Variants in FOCAD observed in about 807,000 individuals in gnomAD.
FOCAD encodes the protein focadhesin.
FOCAD carries 198 observed loss-of-function variants against 225.6 expected under a neutral mutation model. The observed-to-expected ratio is 0.88, with a 90% CI of 0.78 to 0.99. The LOEUF (loss-of-function observed/expected upper bound fraction) is 0.99, where lower values mean the gene tolerates loss of function less well. FOCAD is among the 50% of genes least tolerant of loss of function. The pLI is 0.00. For missense variants in FOCAD, 2,713 were observed against 2,123.6 expected (o/e 1.28, Z -5.46); for synonymous variants, 897 against 755.0 (o/e 1.19, Z -3.08).
At chr9:20,982,497 G>A (rs758461142) in intron 39 of FOCAD, 51 bp downstream of exon 39, 1 of 1,457,306 alleles carries the variant, frequency 6.9e-7, no homozygotes, top group Non-Finnish European at 9.6e-7. Context: ...CAGAAATTAC[G>A]ATTGAATAAT....
rs1435446613 is a variant in FOCAD at position 20,982,458 on chromosome 9, T to C, written c.4728+12T>C. On this transcript the variant is annotated intron_variant, in intron 39 of 43. Coordinates refer to ENST00000338382, the MANE Select transcript of FOCAD (RefSeq NM_001375567.1). Reference sequence around the variant, plus strand: ...CCCAGGTTACTAAGGTAATAACATATCTTTCTATACCTTTTTTCATTATTG... The same window carrying C: ...CCCAGGTTACTAAGGTAATAACATACCTTTCTATACCTTTTTTCATTATTG... The C allele has an allele frequency of 2.5e-6, 4 of 1,596,942 alleles. No individual in the cohort carries two copies. Among genetic ancestry groups the C allele is most frequent in the Non-Finnish European group, 3.4e-6 (4 of 1,165,120 alleles).
chr9:20,718,387 C>T (rs1371157555), intron 3 of FOCAD, among the ~76,000 whole-genome samples: 1 of 152,216 alleles, frequency 6.6e-6, no homozygotes, highest in Non-Finnish European at 1.5e-5. Flanking sequence ...TACTGAGATA[C>T]ACTTGGGGTT....
At chr9:20,855,409 G>GAAT (rs1828071031) in intron 15 of FOCAD, among the ~76,000 whole-genome samples, 1 of 151,480 alleles carries the variant, frequency 6.6e-6, no homozygotes, top group South Asian at 2.1e-4. Context: ...CCTTGTCTCT[G>GAAT]AATAAGTAAA....
chr9:20,946,885 G>A lies in FOCAD; in HGVS notation c.3675+65G>A. ...CATGCTGCTGCTAAGTTTTGCTTTT[G>A]ACTTACTCTGAATTAGAGTATAATG... On this transcript the variant is annotated intron_variant, in intron 30 of 43. Coordinates refer to ENST00000338382, the MANE Select transcript of FOCAD (RefSeq NM_001375567.1). 3 of 1,588,610 alleles carry A rather than the reference G, an allele frequency of 1.9e-6. No homozygotes were observed. The East Asian group carries it at 6.8e-5, about 36-fold the overall frequency.
intron 5 of FOCAD, among the ~76,000 whole-genome samples, chr9:20,745,512 T>C (rs1349436884): frequency 6.6e-6 from 1 of 152,202 alleles, no homozygotes; most frequent in Admixed American, 6.5e-5. Context: ...TAGAGGCTCA[T>C]TTTCTTATTT....
intron 22 of FOCAD, among the ~76,000 whole-genome samples, chr9:20,910,709 A>G (rs1297972824): frequency 5.9e-5 from 9 of 152,100 alleles, no homozygotes; most frequent in Admixed American, 2.0e-4. Context: ...ATCAGAAAGC[A>G]GAGATGACTG....
chr9:20,893,935 T>C (rs1460255499), intron 21 of FOCAD, among the ~76,000 whole-genome samples: 7 of 152,150 alleles, frequency 4.6e-5, no homozygotes, highest in Non-Finnish European at 1.0e-4. Flanking sequence ...TTCTATGGGT[T>C]TGAACAAATG....
intron 8 of FOCAD, among the ~76,000 whole-genome samples, chr9:20,775,822 T>A (rs1818701891): frequency 6.6e-6 from 1 of 152,208 alleles, no homozygotes. Context: ...CATCTGTGGC[T>A]GAGTATAAAG....
chr9:20,664,547 A>G (rs1220485833), intron 2 of FOCAD, among the ~76,000 whole-genome samples: 2 of 152,014 alleles, frequency 1.3e-5, no homozygotes, highest in African/African-American at 4.8e-5. Context: ...ATAAGCAGGA[A>G]GGGAGAGATA....
chr9:20,757,081 C>A (rs1218156093), intron 5 of FOCAD, among the ~76,000 whole-genome samples: 2 of 152,172 alleles, frequency 1.3e-5, no homozygotes, highest in East Asian at 1.9e-4. Flanking sequence ...AGGCATGCGC[C>A]ACCATTCCCG....
rs1478816742 is a variant in FOCAD, at chr9:20,881,995, C to G, written c.2442C>G (p.Pro814=). 3.7e-6 allele frequency: 6 copies of G among 1,613,896 alleles called. No homozygotes were observed. Among genetic ancestry groups the G allele is most frequent in the Non-Finnish European group, 5.1e-6 (6 of 1,179,882 alleles). The change falls in exon 20 of 44, where the codon CCC becomes CCG. Residue 814 remains proline, a synonymous_variant. Transcript: ENST00000338382. ...SDQGKTVAGI[P]NFILKMYETN... is the part of the protein sequence containing the mutation. ...AAGGAAAGACTGTAGCAGGAATCCC[C>G]AATTTTATATTGAAAATGTATGAAA... is the stretch of plus-strand genomic sequence containing the variant.
At chr9:20,841,717 C>T (rs188992403) in intron 15 of FOCAD, among the ~76,000 whole-genome samples, 421 of 151,598 alleles carry the variant, frequency 2.8e-3, no homozygotes, top group African/African-American at 9.8e-3. Flanking sequence ...TTTTCATTTT[C>T]ATCTTTTGTA....
At chr9:20,680,385 C>T (rs1412328247), upstream of FOCAD, among the ~76,000 whole-genome samples, 1 of 152,058 alleles carries the variant, frequency 6.6e-6, no homozygotes, top group Non-Finnish European at 1.5e-5. Flanking sequence ...TGGTGTAACC[C>T]CGTCTCTACC....
chr9:20,868,938 A>G (rs1488967173), intron 18 of FOCAD, among the ~76,000 whole-genome samples: 1 of 152,078 alleles, frequency 6.6e-6, no homozygotes. Context: ...ATTGATTGCT[A>G]CATTTCAGTT....
intron 2 of FOCAD, among the ~76,000 whole-genome samples, chr9:20,663,471 A>C (rs1821796666): frequency 7.8e-6 from 1 of 128,232 alleles, no homozygotes; most frequent in Non-Finnish European, 1.6e-5. Flanking sequence ...GCATGTGTGC[A>C]TGAACACACA....
At chr9:20,881,531 G>A (rs2131839567) in intron 19 of FOCAD, among the ~76,000 whole-genome samples, 1 of 152,304 alleles carries the variant, frequency 6.6e-6, no homozygotes, top group South Asian at 2.1e-4. Flanking sequence ...ACATTAGTTT[G>A]TATGAGGAGG....
In FOCAD at chr9:20,902,666, T is replaced by C. The variant is rs77533693; in HGVS notation, c.2626-4484T>C. Among the ~76,000 whole-genome samples, 1,047 of 151,958 alleles carry C rather than the reference T, an allele frequency of 6.9e-3. 11 individuals carry two copies. The highest frequency in any genetic ancestry group is 0.024 in the African/African-American group (994 of 41,480). ...GATCAGTTACTAGATCATAGTAATCTAGGCAGGAATCAGATAGGACTAAAC... is the reference window on the plus strand; with the variant it reads ...GATCAGTTACTAGATCATAGTAATCCAGGCAGGAATCAGATAGGACTAAAC... On this transcript the variant is annotated intron_variant, in intron 21 of 43. Transcript: ENST00000338382.
At chr9:20,816,223 A>G (rs1487704177) in intron 11 of FOCAD, among the ~76,000 whole-genome samples, 5 of 152,160 alleles carry the variant, frequency 3.3e-5, no homozygotes, top group African/African-American at 7.2e-5. Flanking sequence ...TCACACAACT[A>G]AATACACTAG....
intron 8 of FOCAD, among the ~76,000 whole-genome samples, chr9:20,778,335 C>T (rs1032965332): frequency 6.6e-6 from 1 of 151,950 alleles, no homozygotes; most frequent in Non-Finnish European, 1.5e-5. Context: ...ACCTCCACCT[C>T]CTGGGTCAAG....
Sources: allele counts gnomAD v4.1 joint callset (sites outside exome capture counted in the v4.1 genomes callset), GRCh38; gene constraint gnomAD v4.1.1; transcripts MANE v1.5; gene names NCBI Gene and HGNC (gene_info 2026-07-23, HGNC 2026-07-21).